The following KIRREL3 variants were observed in gnomAD, a reference collection of about 807,000 sequenced individuals.
KIRREL3 encodes the protein kirre like nephrin family adhesion molecule 3.
Under a neutral mutation model 89.7 loss-of-function variants are expected in KIRREL3, and 36 were observed. The ratio of observed to expected loss-of-function variants is 0.40; its 90% CI spans 0.31 to 0.53. The LOEUF (loss-of-function observed/expected upper bound fraction) is 0.53. Ranked by LOEUF, KIRREL3 falls within the 20% of genes least tolerant of loss-of-function variation. KIRREL3 has a pLI of 0.49. For synonymous variants in KIRREL3, 445 were observed against 441.4 expected (o/e 1.01, Z -0.10); for missense variants, 864 against 1,056.6 (o/e 0.82, Z 2.53).
Position 126,788,093 on chromosome 11 carries a change from C to T in KIRREL3, c.55+212362G>A, listed in dbSNP as rs1266016059. ...GTAGCCCGGCTCTGGAGCCCATACTCTTAGCCACGACAATATTCCGCCTCC... is the reference window on the plus strand; with the variant it reads ...GTAGCCCGGCTCTGGAGCCCATACTTTTAGCCACGACAATATTCCGCCTCC... On this transcript the variant is annotated intron_variant, in intron 1 of 16. Coordinates refer to ENST00000525144, the MANE Select transcript of KIRREL3 (RefSeq NM_032531.4). This position sits in a 1 kb window ranked among gnomAD's most constrained non-coding sequence, Gnocchi z 4.1. Among the ~76,000 whole-genome samples the T allele has an allele frequency of 1.3e-5, 2 of 152,198 alleles. No individual in the cohort carries two copies.
chr11:126,856,462 G>A (rs1244403202), intron 1 of KIRREL3, among the ~76,000 whole-genome samples: 2 of 150,778 alleles, frequency 1.3e-5, no homozygotes, highest in African/African-American at 2.4e-5. Flanking sequence ...AATCAGACAA[G>A]TATAAAATTA....
At chr11:126,992,266 G>T (rs1426029693) in intron 1 of KIRREL3, among the ~76,000 whole-genome samples, 1 of 152,144 alleles carries the variant, frequency 6.6e-6, no homozygotes, top group East Asian at 1.9e-4. Flanking sequence ...AGAGGTTTTG[G>T]ACGTCATCTA....
rs1042813231 is a variant in KIRREL3 at position 126,739,280 on chromosome 11, G to A, written c.56-176368C>T. Among the ~76,000 whole-genome samples, 1 of 152,198 alleles carries A rather than the reference G, an allele frequency of 6.6e-6. No individual in the cohort carries two copies. The highest frequency in any genetic ancestry group is 1.5e-5 in the Non-Finnish European group (1 of 68,040). The stretch of plus-strand genomic sequence containing the variant: ...TAGGTGATACTTATAGTATTAATTC[G>A]ACTGCCTTTTGGCATGGTTATGGGG... On this transcript the variant is annotated intron_variant, in intron 1 of 16. Coordinates refer to ENST00000525144, the MANE Select transcript of KIRREL3 (RefSeq NM_032531.4). This position sits in a 1 kb window ranked among gnomAD's most constrained non-coding sequence, Gnocchi z 5.5.
At chr11:126,469,564 C>T (rs1044717788) in intron 5 of KIRREL3, among the ~76,000 whole-genome samples, 20 of 152,240 alleles carry the variant, frequency 1.3e-4, no homozygotes, top group Admixed American at 1.3e-4. Flanking sequence ...CTCCACATCA[C>T]AGGCTTGTAG....
chr11:126,425,101 G>C, intron 16 of KIRREL3, 78 bp from the exon 17 acceptor site: 2 of 1,317,986 alleles, frequency 1.5e-6, no homozygotes, highest in Non-Finnish European at 2.0e-6. Context: ...GGCTGAGCCC[G>C]TCCCCTTATG....
At position 126,530,854 on chromosome 11, in the gene KIRREL3, G is replaced by A. The variant is rs879552361; in HGVS notation, c.134-4167C>T. ...TTTATTTTTCTTTTTTTTTTGAGAC[G>A]GAGTCTGACTTTGTTGCCCAGGCTG... On this transcript the variant is annotated intron_variant, in intron 2 of 16. Transcript: ENST00000525144. This position sits in a 1 kb window ranked among gnomAD's most constrained non-coding sequence, Gnocchi z 5.8. 3.3e-5 allele frequency among the ~76,000 whole-genome samples: 5 copies of A among 151,060 alleles called. No individual in the cohort carries two copies. Among genetic ancestry groups the A allele is most frequent in the African/African-American group, 9.8e-5 (4 of 40,998 alleles).
At chr11:126,650,522 C>A (rs1343328731) in intron 1 of KIRREL3, among the ~76,000 whole-genome samples, 2 of 152,106 alleles carry the variant, frequency 1.3e-5, no homozygotes, top group Admixed American at 6.6e-5. Flanking sequence ...ATCTCTAGGG[C>A]AGGGGCAAAA....
At position 126,797,830 on chromosome 11, in the gene KIRREL3, C is replaced by T. The variant is rs1950862019; in HGVS notation, c.55+202625G>A. ...GCACCGGGAGCAATTTATTTCTAAACATCAACACTCCAGAATGCAAAGAAA... is the reference window on the plus strand; with the variant it reads ...GCACCGGGAGCAATTTATTTCTAAATATCAACACTCCAGAATGCAAAGAAA... On this transcript the variant is annotated intron_variant, in intron 1 of 16. Transcript: ENST00000525144. This position sits in a 1 kb window ranked among gnomAD's most constrained non-coding sequence, Gnocchi z 4.9. Among the ~76,000 whole-genome samples the T allele has an allele frequency of 6.6e-6, 1 of 152,320 alleles. No individual in the cohort carries two copies. Among genetic ancestry groups the T allele is most frequent in the Non-Finnish European group, 1.5e-5 (1 of 68,028 alleles).
At chr11:126,815,491 T>C (rs139386620) in intron 1 of KIRREL3, among the ~76,000 whole-genome samples, 1 of 152,332 alleles carries the variant, frequency 6.6e-6, no homozygotes, top group East Asian at 1.9e-4. Context: ...GCACACAGTA[T>C]CTGGCATGTA....
intron 1 of KIRREL3, among the ~76,000 whole-genome samples, chr11:126,852,318 CT>C (rs1944371007): frequency 1.3e-5 from 2 of 152,198 alleles, no homozygotes; most frequent in Admixed American, 1.3e-4. Flanking sequence ...TCCCAAAGCA[CT>C]GGGATTACAG....
At chr11:126,556,789 C>T (rs574478938) in intron 2 of KIRREL3, among the ~76,000 whole-genome samples, 15 of 152,220 alleles carry the variant, frequency 9.9e-5, no homozygotes, top group Middle Eastern at 3.4e-3. Context: ...AGAGTGGAAA[C>T]GGCAGGTCTC....
intron 1 of KIRREL3, among the ~76,000 whole-genome samples, chr11:126,794,180 A>T (rs1194728709): frequency 6.6e-6 from 1 of 152,272 alleles, no homozygotes; most frequent in African/African-American, 2.4e-5. Context: ...GCTGGGATTA[A>T]TTTTTAAAAT....
chr11:126,823,237 T>C (rs1943288876), intron 1 of KIRREL3, among the ~76,000 whole-genome samples: 1 of 152,208 alleles, frequency 6.6e-6, no homozygotes, highest in African/African-American at 2.4e-5. Flanking sequence ...ATATACTTGA[T>C]GTCTTTTGCT....
chr11:126,616,645 G>T (rs1409806653), intron 1 of KIRREL3, among the ~76,000 whole-genome samples: 3 of 152,186 alleles, frequency 2.0e-5, no homozygotes, highest in African/African-American at 7.2e-5. Flanking sequence ...CAGGGCTTTT[G>T]TTGTTGTTGG....
rs1036765672 is a variant in KIRREL3 at position 126,427,809 on chromosome 11, A to G, written c.1806+1370T>C. On this transcript the variant is annotated intron_variant, in intron 15 of 16. Transcript: ENST00000525144. This position sits in a 1 kb window ranked among gnomAD's most constrained non-coding sequence, Gnocchi z 5.3. The stretch of plus-strand genomic sequence containing the variant: ...CGAGGGTGGATTGAGAAAAGAGACA[A>G]AAGACTACAAGGCTGAGACCAACTG... Among the ~76,000 whole-genome samples, 15 of 152,208 alleles carry G rather than the reference A, an allele frequency of 9.9e-5. No homozygotes were observed. Among genetic ancestry groups the G allele is most frequent in the African/African-American group, 3.6e-4 (15 of 41,456 alleles).
intron 5 of KIRREL3, among the ~76,000 whole-genome samples, chr11:126,473,056 T>TCCCCCTCGCTACCTAACC (rs1956958630): frequency 5.4e-4 from 1 of 1,844 alleles, no homozygotes; most frequent in African/African-American, 1.7e-3. Context: ...CCAGCCCCTC[T>TCCCCCTCGCTACCTAACC]CCCCAGCCCC....
In KIRREL3 at chr11:126,904,201, G is replaced by C. The variant is rs936468607; in HGVS notation, c.55+96254C>G. Among the ~76,000 whole-genome samples the C allele has an allele frequency of 2.0e-5, 3 of 152,096 alleles. No homozygotes were observed. The highest frequency in any genetic ancestry group is 7.2e-5 in the African/African-American group (3 of 41,406). On this transcript the variant is annotated intron_variant, in intron 1 of 16. Coordinates refer to ENST00000525144, the MANE Select transcript of KIRREL3 (RefSeq NM_032531.4). This position sits in a 1 kb window ranked among gnomAD's most constrained non-coding sequence, Gnocchi z 4.4. ...TTTAACACACAGGTAAAGTTTTCAG[G>C]ACTATTTTTATCATTTGGACACCGA...
In KIRREL3 at chr11:126,682,921, G is replaced by T. The variant is rs1168142070; in HGVS notation, c.56-120009C>A. ...AATCTGGTAAAGTAATTCACCCTAA[G>T]ATGCCATTAAATTACTATGACCTCC... On this transcript the variant is annotated intron_variant, in intron 1 of 16. Transcript: ENST00000525144. This position sits in a 1 kb window ranked among gnomAD's most constrained non-coding sequence, Gnocchi z 4.8. Among the ~76,000 whole-genome samples the T allele has an allele frequency of 6.6e-6, 1 of 152,136 alleles. No individual in the cohort carries two copies. Among genetic ancestry groups the T allele is most frequent in the Non-Finnish European group, 1.5e-5 (1 of 68,026 alleles).
At chr11:126,841,898 C>T (rs1487758292) in intron 1 of KIRREL3, among the ~76,000 whole-genome samples, 5 of 152,286 alleles carry the variant, frequency 3.3e-5, no homozygotes, top group East Asian at 1.9e-4. Flanking sequence ...CTTCATACAT[C>T]GTCAAGGTGG....
Sources: gnomAD v4.1 joint callset for allele counts (sites outside exome capture counted in the v4.1 genomes callset) on GRCh38, gnomAD v4.1.1 for gene constraint, Gnocchi (gnomAD v3.1) non-coding constraint, MANE v1.5 for transcripts, NCBI Gene and HGNC (gene_info 2026-07-23, HGNC 2026-07-21) for gene names.